RICTOR: variants seen among roughly 807,000 people sequenced by gnomAD.
RICTOR encodes the protein RPTOR independent companion of MTOR complex 2.
In RICTOR, 49 loss-of-function variants were observed where a neutral mutation model predicts 214.9. The observed-to-expected ratio is 0.23, with a 90% CI of 0.18 to 0.29. RICTOR has a LOEUF of 0.29. RICTOR is among the 10% of genes least tolerant of loss of function. The probability of loss-of-function intolerance (pLI) is 1.00; values close to 1 mark genes in which losing one functional copy is unlikely to be tolerated. For synonymous variants in RICTOR, 717 were observed against 711.3 expected, an observed-to-expected ratio of 1.01 and a Z score of -0.13; for missense variants, 1,625 against 2,047.0, an observed-to-expected ratio of 0.79 and a Z score of 3.98.
At chr5:38,988,647 C>G (rs1752352376) in intron 7 of RICTOR, among the ~76,000 whole-genome samples, 1 of 152,084 alleles carries the variant, frequency 6.6e-6, no homozygotes, top group South Asian at 2.1e-4. Context: ...TCTCCTTAAG[C>G]TGATAAGCAA....
chr5:39,036,344 A>C (rs1467286696), intron 2 of RICTOR, among the ~76,000 whole-genome samples: 1 of 152,236 alleles, frequency 6.6e-6, no homozygotes, highest in Non-Finnish European at 1.5e-5. Flanking sequence ...AACAACGGGT[A>C]CCAGCCACTG....
chr5:38,949,524 C>T, intron 31 of RICTOR, 188 bp downstream of exon 31: 1 of 1,176,228 alleles, frequency 8.5e-7, no homozygotes. Flanking sequence ...GATTTTCTTC[C>T]CCCCTCGCAG....
At chr5:39,038,904 T>C (rs1246480096) in intron 2 of RICTOR, among the ~76,000 whole-genome samples, 2 of 152,078 alleles carry the variant, frequency 1.3e-5, no homozygotes, top group Non-Finnish European at 2.9e-5. Flanking sequence ...AGGTAATTTA[T>C]AGATTCAATG....
chr5:38,960,634 T>A, intron 19 of RICTOR, 101 bp from the exon 20 acceptor site: 3 of 1,244,678 alleles, frequency 2.4e-6, no homozygotes, highest in Non-Finnish European at 3.4e-6. Context: ...GAATATGTTT[T>A]GGGTCTGAAC....
At chr5:39,069,012 C>A (rs542849782) in intron 2 of RICTOR, among the ~76,000 whole-genome samples, 3 of 152,076 alleles carry the variant, frequency 2.0e-5, no homozygotes, top group Non-Finnish European at 2.9e-5. Context: ...AAAACAGAGA[C>A]AATAAGTGTA....
At chr5:38,991,274 T>C (rs562708509) in intron 6 of RICTOR, among the ~76,000 whole-genome samples, 199 bp from the exon 7 acceptor site, 48 of 152,282 alleles carry the variant, frequency 3.2e-4, no homozygotes, top group African/African-American at 1.1e-3. Context: ...GCCATTACTA[T>C]GGAAAATGTG....
chr5:39,014,354 A>G lies in RICTOR; in HGVS notation c.195+6685T>C, dbSNP rs144762209. On this transcript the variant is annotated intron_variant, in intron 3 of 37. Coordinates refer to ENST00000357387, the MANE Select transcript of RICTOR (RefSeq NM_152756.5). ...ACACATACACATTTATAATTATACC[A>G]GAAAAGGATACTTTCTAGTGGTTAC... Among the ~76,000 whole-genome samples the G allele has an allele frequency of 2.8e-3, 431 of 152,300 alleles. 3 individuals carry two copies. The highest frequency in any genetic ancestry group is 0.01 in the African/African-American group (422 of 41,586).
At chr5:39,037,495 C>CA (rs1163055515) in intron 2 of RICTOR, among the ~76,000 whole-genome samples, 33 of 151,874 alleles carry the variant, frequency 2.2e-4, no homozygotes, top group African/African-American at 7.5e-4. Flanking sequence ...AATAGAGACA[C>CA]AAAAAACCCT....
rs557660597 is a variant in RICTOR, at chr5:39,072,267, A to G, written c.97+1844T>C. 5.9e-5 allele frequency among the ~76,000 whole-genome samples: 9 copies of G among 152,278 alleles called. No homozygotes were observed. The East Asian group carries it at 1.7e-3, about 29-fold the overall frequency. On this transcript the variant is annotated intron_variant, in intron 2 of 37. Transcript: ENST00000357387. ...ACCTATGGACATAGGTGCTTACTAA[A>G]TTCTCAGTTAATATGGCATTTTAAA...
At chr5:39,056,604 T>A (rs1261068270) in intron 2 of RICTOR, among the ~76,000 whole-genome samples, 1 of 151,112 alleles carries the variant, frequency 6.6e-6, no homozygotes, top group Non-Finnish European at 1.5e-5. Flanking sequence ...GCCACTGCCC[T>A]CCAGCCTGGA....
intron 36 of RICTOR, among the ~76,000 whole-genome samples, chr5:38,943,502 A>G (rs1384129160): frequency 2.0e-5 from 3 of 151,912 alleles, no homozygotes; most frequent in Admixed American, 2.0e-4. Flanking sequence ...CCCAATACCT[A>G]TATCACCCTT....
chr5:39,022,848 T>C (rs1755531008), intron 2 of RICTOR, among the ~76,000 whole-genome samples: 1 of 152,150 alleles, frequency 6.6e-6, no homozygotes, highest in Non-Finnish European at 1.5e-5. Context: ...AATTTGGAGC[T>C]TCATCTGGAA....
At position 38,967,224 on chromosome 5, in the gene RICTOR, T is replaced by A; in HGVS notation, c.1155A>T (p.Pro385=). Residue 385 remains proline, a synonymous_variant, in exon 14 of 38, where the codon CCA becomes CCT. Coordinates refer to ENST00000357387, the MANE Select transcript of RICTOR (RefSeq NM_152756.5). Reference sequence around the variant, plus strand: ...GTGCCAAATAATTATCCATGAGGTCTGGCCTGGAAAAAACAGCACAGAAAC... The same window carrying A: ...GTGCCAAATAATTATCCATGAGGTCAGGCCTGGAAAAAACAGCACAGAAAC... ...TILPHRARSR[P]DLMDNYLALI... The A allele has an allele frequency of 3.7e-6, 6 of 1,612,920 alleles. No homozygotes were observed. The highest frequency in any genetic ancestry group is 5.1e-6 in the Non-Finnish European group (6 of 1,178,904).
At chr5:38,960,882 A>C (rs1749738439) in intron 19 of RICTOR, among the ~76,000 whole-genome samples, 1 of 151,966 alleles carries the variant, frequency 6.6e-6, no homozygotes, top group African/African-American at 2.4e-5. Context: ...TGTGCTCTGT[A>C]CTTCTCTCTC....
chr5:38,948,748 T>G (rs887189520), intron 31 of RICTOR, among the ~76,000 whole-genome samples: 4 of 152,088 alleles, frequency 2.6e-5, no homozygotes, highest in Non-Finnish European at 4.4e-5. Context: ...GAGTTCCAGA[T>G]AGATGAGACA....
At chr5:39,065,871 T>G (rs551758152) in intron 2 of RICTOR, among the ~76,000 whole-genome samples, 2 of 152,246 alleles carry the variant, frequency 1.3e-5, no homozygotes, top group Non-Finnish European at 2.9e-5. Flanking sequence ...TTGCAGGGTT[T>G]AGCCCCCAGG....
At chr5:39,053,954 C>T (rs1234837151) in intron 2 of RICTOR, among the ~76,000 whole-genome samples, 1 of 149,272 alleles carries the variant, frequency 6.7e-6, no homozygotes, top group Non-Finnish European at 1.5e-5. Flanking sequence ...TGGTGGTGGG[C>T]GCCTGTAATC....
chr5:38,943,179 T>C (rs1747790575), intron 36 of RICTOR: 2 of 441,364 alleles, frequency 4.5e-6, no homozygotes. Context: ...AAAAAAATGA[T>C]TATCAAAACC....
At chr5:38,952,931 C>A in intron 29 of RICTOR, 54 bp downstream of exon 29, 2 of 1,032,090 alleles carry the variant, frequency 1.9e-6, no homozygotes, top group Non-Finnish European at 3.0e-6. Flanking sequence ...CCCTAACATC[C>A]ATTTGTGAAT....
Sources: gnomAD v4.1 joint callset for allele counts (sites outside exome capture counted in the v4.1 genomes callset) on GRCh38, gnomAD v4.1.1 for gene constraint, MANE v1.5 for transcripts, NCBI Gene and HGNC (gene_info 2026-07-23, HGNC 2026-07-21) for gene names.